The following NOX4 variants were observed in gnomAD, a reference collection of about 807,000 sequenced individuals.
NOX4 encodes the protein kidney oxidase-1.
A neutral mutation model predicts 87.6 loss-of-function variants in NOX4; 69 were observed. The observed-to-expected ratio is 0.79, with a 90% CI of 0.65 to 0.96. NOX4 has a LOEUF of 0.96. NOX4 is among the 40% of genes least tolerant of loss of function. The pLI, the probability that NOX4 is intolerant of heterozygous loss-of-function variation, is 0.00. For synonymous variants in NOX4, 275 were observed against 238.2 expected (o/e 1.15, Z -1.42); for missense variants, 680 against 681.5 (o/e 1.00, Z 0.02).
chr11:89,412,016 G>A (rs1348683062), intron 8 of NOX4, among the ~76,000 whole-genome samples: 1 of 151,862 alleles, frequency 6.6e-6, no homozygotes, highest in African/African-American at 2.4e-5. Context: ...AAGAGGAGAA[G>A]CTATACTTAA....
intron 2 of NOX4, among the ~76,000 whole-genome samples, chr11:89,469,037 T>TTTACATTTATG (rs796221454): frequency 1.3e-5 from 2 of 152,286 alleles, no homozygotes; most frequent in African/African-American, 4.8e-5. Flanking sequence ...GCCTGAAAGC[T>TTTACATTTATG]TTACATTTAT....
intron 16 of NOX4, among the ~76,000 whole-genome samples, chr11:89,336,294 T>A (rs1277125987): frequency 6.6e-6 from 1 of 151,942 alleles, no homozygotes; most frequent in Non-Finnish European, 1.5e-5. Context: ...TTCAGTTAGT[T>A]GTTTCATCTT....
chr11:89,566,201 C>A, the NOX4 span, among the ~76,000 whole-genome samples: 1 of 152,066 alleles, frequency 6.6e-6, no homozygotes, highest in East Asian at 1.9e-4. Flanking sequence ...AGCCACAACG[C>A]CCAGCTAATT....
At chr11:89,424,598 T>A (rs560599798) in intron 7 of NOX4, among the ~76,000 whole-genome samples, 2 of 151,984 alleles carry the variant, frequency 1.3e-5, no homozygotes, top group East Asian at 3.9e-4. Context: ...AATTCTACAA[T>A]GTAAATAATT....
intron 8 of NOX4, among the ~76,000 whole-genome samples, chr11:89,413,674 G>A (rs3907858): frequency 0.41 from 62,759 of 151,850 alleles, 13,404 homozygotes; most frequent in East Asian, 0.56. Context: ...CAGAGGCTGC[G>A]AATGAGAGGG....
At chr11:89,527,599 A>C in the NOX4 span, among the ~76,000 whole-genome samples, 1 of 152,326 alleles carries the variant, frequency 6.6e-6, no homozygotes, top group African/African-American at 2.4e-5. Context: ...AAAAGGGGCC[A>C]ACATATAGCT....
At chr11:89,519,775 T>C in the NOX4 span, among the ~76,000 whole-genome samples, 1 of 152,060 alleles carries the variant, frequency 6.6e-6, no homozygotes, top group African/African-American at 2.4e-5. Flanking sequence ...ACATTTATAT[T>C]CAGAGTCTCA....
rs369224637 is a variant in NOX4 at position 89,432,315 on chromosome 11, A to G, written c.548+469T>C. Among the ~76,000 whole-genome samples, 31 of 152,144 alleles carry G rather than the reference A, an allele frequency of 2.0e-4. No individual in the cohort carries two copies. In the South Asian group the frequency reaches 5.2e-3, roughly 25 times the overall value. On this transcript the variant is annotated intron_variant, in intron 7 of 17. Transcript: ENST00000263317. ...GTATACATATGTAACAAACCTGCACATTATGCACATGTACCCTAGAACTTA... is the reference window on the plus strand; with the variant it reads ...GTATACATATGTAACAAACCTGCACGTTATGCACATGTACCCTAGAACTTA...
chr11:89,586,187 T>G, the NOX4 span, among the ~76,000 whole-genome samples: 1 of 152,004 alleles, frequency 6.6e-6, no homozygotes, highest in African/African-American at 2.4e-5. Flanking sequence ...TCAAATTAAT[T>G]AAGCTTTCAT....
chr11:89,436,961 A>T (rs1420411698), intron 6 of NOX4, among the ~76,000 whole-genome samples: 4 of 152,132 alleles, frequency 2.6e-5, no homozygotes, highest in Non-Finnish European at 5.9e-5. Flanking sequence ...AGACAATCTT[A>T]ATTTGTCAAT....
chr11:89,399,075 T>TA, intron 11 of NOX4, among the ~76,000 whole-genome samples: 1 of 152,100 alleles, frequency 6.6e-6, no homozygotes, highest in Non-Finnish European at 1.5e-5. Flanking sequence ...TTTTATTTTA[T>TA]ATCTGTGAAT....
chr11:89,365,096 A>G (rs1398100402), intron 12 of NOX4, among the ~76,000 whole-genome samples: 1 of 152,068 alleles, frequency 6.6e-6, no homozygotes. Flanking sequence ...GGATAAGAGA[A>G]AGCTTAGCAG....
chr11:89,578,661 C>T, the NOX4 span, among the ~76,000 whole-genome samples: 1 of 152,094 alleles, frequency 6.6e-6, no homozygotes, highest in Non-Finnish European at 1.5e-5. Flanking sequence ...TCCATAGCCA[C>T]AAACAACCTC....
chr11:89,394,168 T>G (rs1591102113), intron 11 of NOX4, among the ~76,000 whole-genome samples: 1 of 152,176 alleles, frequency 6.6e-6, no homozygotes, highest in Non-Finnish European at 1.5e-5. Flanking sequence ...GAAATTGATC[T>G]AGAAGCCTCT....
At chr11:89,359,530 A>G (rs1342450039) in intron 12 of NOX4, among the ~76,000 whole-genome samples, 1 of 151,990 alleles carries the variant, frequency 6.6e-6, no homozygotes, top group East Asian at 1.9e-4. Context: ...CAAAAAAAAG[A>G]AAGAAAAAAA....
chr11:89,557,889 G>T, the NOX4 span, among the ~76,000 whole-genome samples: 3 of 152,120 alleles, frequency 2.0e-5, no homozygotes, highest in East Asian at 3.9e-4. Context: ...CAAGGGCAAG[G>T]AAATCCAACT....
chr11:89,506,245 GAGAA>G, the NOX4 span, among the ~76,000 whole-genome samples: 1 of 130,206 alleles, frequency 7.7e-6, no homozygotes, highest in East Asian at 2.2e-4. Context: ...AAGAGAGAGA[GAGAA>G]AGAAAAAAAG....
the NOX4 span, among the ~76,000 whole-genome samples, chr11:89,563,923 C>T: frequency 0.39 from 58,594 of 151,856 alleles, 11,592 homozygotes; most frequent in African/African-American, 0.47. Flanking sequence ...AAAACAAAAG[C>T]CTTCAATTTT....
intron 17 of NOX4, among the ~76,000 whole-genome samples, chr11:89,328,173 C>T (rs184021984): frequency 7.9e-4 from 120 of 152,190 alleles, no homozygotes; most frequent in Non-Finnish European, 1.3e-3. Flanking sequence ...AAAGACGCCT[C>T]GGAGATTGGT....
Sources: allele counts gnomAD v4.1 joint callset (sites outside exome capture counted in the v4.1 genomes callset), GRCh38; gene constraint gnomAD v4.1.1; transcripts MANE v1.5; gene names NCBI Gene and HGNC (gene_info 2026-07-23, HGNC 2026-07-21).